The following CCNE2 variants were observed in gnomAD, a reference collection of about 807,000 sequenced individuals.
CCNE2 encodes cyclin E2.
A neutral mutation model predicts 56.8 loss-of-function variants in CCNE2; 18 were observed. The observed-to-expected ratio is 0.32, with a 90% confidence interval of 0.22 to 0.47. CCNE2 has a LOEUF of 0.47. Among genes scored for constraint, CCNE2 ranks in the 20% least tolerant of loss-of-function variants. CCNE2 has a pLI of 1.00. For missense variants in CCNE2, 371 were observed against 467.1 expected, an observed-to-expected ratio of 0.79 and a Z score of 1.90; for synonymous variants, 139 against 149.2, an observed-to-expected ratio of 0.93 and a Z score of 0.50.
intron 9 of CCNE2, chr8:94,883,582 G>A (rs1310400661): frequency 5.4e-6 from 1 of 186,226 alleles, no homozygotes; most frequent in Non-Finnish European, 1.2e-5. Context: ...CTAGAAAGAG[G>A]CATGGTCTAG....
chr8:94,886,594 C>G (rs1482645356), intron 7 of CCNE2, among the ~76,000 whole-genome samples: 1 of 151,554 alleles, frequency 6.6e-6, no homozygotes, highest in Non-Finnish European at 1.5e-5. Flanking sequence ...TCAGCTATTC[C>G]AGAGGCTGAG....
Position 94,882,283 on chromosome 8 carries a change from T to G in CCNE2, c.950A>C (p.Glu317Ala). ...TACACATTCTGAAATACTGTCCCAC[T>G]CCAAACCTAGATAGATAGAAAAAAG... is the stretch of plus-strand genomic sequence containing the variant. ...IEVVKKASGL[E>A]WDSISECVDW... The change falls in exon 11 of 12, where the codon GAG (glutamate) becomes GCG (alanine). Residue 317 changes from glutamate to alanine, a missense_variant. By Grantham distance (107) the Glu-to-Ala change is moderately radical. Coordinates refer to ENST00000308108, the MANE Select transcript of CCNE2 (RefSeq NM_057749.3). The G allele has an allele frequency of 6.2e-7, 1 of 1,603,020 alleles. No homozygotes were observed. The highest frequency in any genetic ancestry group is 8.5e-7 in the Non-Finnish European group (1 of 1,175,466).
intron 8 of CCNE2, 97 bp from the exon 9 acceptor site, chr8:94,885,298 C>T (rs1816994334): frequency 8.1e-7 from 1 of 1,230,522 alleles, no homozygotes; most frequent in East Asian, 2.3e-5. Flanking sequence ...CCCCATCCAA[C>T]CATAACCATT....
rs767576782 is a variant in CCNE2 at position 94,892,947 on chromosome 8, G to T, written c.188C>A (p.Ser63Tyr). 2 of 1,534,132 alleles carry T rather than the reference G, an allele frequency of 1.3e-6. No homozygotes were observed. Among genetic ancestry groups the T allele is most frequent in the Non-Finnish European group, 1.7e-6 (2 of 1,153,192 alleles). ...GATAATGCAAGGACTGATCCCCCCA[G>T]ATAATACAGGTGGCCAACAATTCTG... ...EIRNCWPPVL[S>Y]GGISPCIIIE... is the part of the protein sequence containing the mutation. The change falls in exon 5 of 12, where the codon TCT (serine) becomes TAT (tyrosine). Residue 63 changes from serine (S) to tyrosine (Y), a missense_variant. Physicochemically the swap from Ser to Tyr is moderately radical, Grantham distance 144 (BLOSUM62 -2). Transcript: ENST00000308108.
intron 6 of CCNE2, 143 bp from the exon 7 acceptor site, chr8:94,888,216 G>A (rs1039820650): frequency 1.9e-5 from 10 of 532,378 alleles, no homozygotes; most frequent in African/African-American, 1.2e-4. Flanking sequence ...AAGAAACTAA[G>A]ATGTACTATT....
At chr8:94,892,154 C>G (rs1339412688) in intron 5 of CCNE2, 47 of 524,878 alleles carry the variant, frequency 9.0e-5, no homozygotes, top group South Asian at 1.1e-4. Context: ...AAAATGTTTT[C>G]TCAAGAGCAA....
Position 94,880,899 on chromosome 8 carries a change from A to T in CCNE2, c.*733T>A, listed in dbSNP as rs75354615. 318 of 398,824 alleles carry T rather than the reference A, an allele frequency of 8.0e-4. 4 individuals are homozygous for T. In the East Asian group the frequency reaches 0.011, roughly 14 times the overall value. 24.7% of individuals were successfully genotyped at this position (398,824 alleles called of 1,614,324 possible). Reference sequence around the variant, plus strand: ...TTATTACCAAGCAACCTACATGTCAAGAAAGCCCCAGTTAGGAAGGAGCCA... The same window carrying T: ...TTATTACCAAGCAACCTACATGTCATGAAAGCCCCAGTTAGGAAGGAGCCA... On this transcript the variant is annotated 3_prime_UTR_variant, in exon 12 of 12. Transcript: ENST00000308108.
At chr8:94,890,386 C>CA in intron 6 of CCNE2, 29 bp downstream of exon 6, 1 of 1,532,644 alleles carries the variant, frequency 6.5e-7, no homozygotes, top group Non-Finnish European at 8.8e-7. Context: ...CATACAGAGA[C>CA]AAAGGAAATT....
At chr8:94,885,598 GA>G (rs140734465) in intron 7 of CCNE2, 40 bp from the exon 8 acceptor site, 40,330 of 1,223,910 alleles carry the variant, frequency 0.033, 795 homozygotes, top group Non-Finnish European at 0.039. Context: ...AATTGAGATA[GA>G]AATTAATTAC....
intron 5 of CCNE2, chr8:94,891,335 G>A (rs574634057): frequency 2.3e-4 from 54 of 233,006 alleles, no homozygotes; most frequent in African/African-American, 1.1e-3. Flanking sequence ...TCGTGAAACT[G>A]CCCAGGCTAT....
chr8:94,880,386 T>C lies in CCNE2; in HGVS notation c.*1246A>G. 2.0e-6 allele frequency: 1 copy of C among 500,270 alleles called. No homozygotes were observed. Among genetic ancestry groups the C allele is most frequent in the Non-Finnish European group, 3.6e-6 (1 of 280,392 alleles). 31.0% of individuals were successfully genotyped at this position (500,270 alleles called of 1,614,324 possible). ...AACAAATATTAGTTTAAAAACAAACTATACAGAAGACTTCATACCGTAACA... is the reference window on the plus strand; with the variant it reads ...AACAAATATTAGTTTAAAAACAAACCATACAGAAGACTTCATACCGTAACA... On this transcript the variant is annotated 3_prime_UTR_variant, in exon 12 of 12. Transcript: ENST00000308108.
chr8:94,890,836 G>T (rs28399563), intron 5 of CCNE2, among the ~76,000 whole-genome samples: 1 of 151,598 alleles, frequency 6.6e-6, no homozygotes, highest in African/African-American at 2.4e-5. Flanking sequence ...TCAAGTGATC[G>T]ACCTGCCTCA....
intron 9 of CCNE2, among the ~76,000 whole-genome samples, chr8:94,884,233 C>T (rs1226239525): frequency 6.6e-6 from 1 of 152,124 alleles, no homozygotes; most frequent in Non-Finnish European, 1.5e-5. Flanking sequence ...TAGATTTTCA[C>T]ATCCCACATA....
At chr8:94,896,503 GGTT>G, upstream of CCNE2, 1 of 152,284 alleles carries the variant, frequency 6.6e-6, no homozygotes, top group Non-Finnish European at 1.5e-5. Context: ...TCCGCAAACA[GGTT>G]TTGCGGCGGG....
At chr8:94,891,678 A>AC in intron 5 of CCNE2, 1 of 552,110 alleles carries the variant, frequency 1.8e-6, no homozygotes, top group Non-Finnish European at 3.1e-6. Context: ...AAAAAAAAAA[A>AC]AACACCATGA....
At chr8:94,893,526 C>G (rs778495202) in intron 4 of CCNE2, 11 of 208,636 alleles carry the variant, frequency 5.3e-5, no homozygotes, top group Non-Finnish European at 9.4e-5. Context: ...GCGTGCCAGG[C>G]TGTCAGTGAT....
chr8:94,894,280 T>C (rs1817369110), intron 1 of CCNE2, 33 bp from the exon 2 acceptor site: 3 of 1,605,242 alleles, frequency 1.9e-6, no homozygotes, highest in Admixed American at 1.7e-5. Context: ...CGCAGTCAAG[T>C]ACATTGTCAT....
At chr8:94,891,889 G>A in intron 5 of CCNE2, 1 of 1,400,994 alleles carries the variant, frequency 7.1e-7, no homozygotes, top group Non-Finnish European at 9.9e-7. Flanking sequence ...AGATTCTCTG[G>A]TCATTGAGCA....
rs1816982359 is a variant in CCNE2 at position 94,885,029 on chromosome 8, T to A, written c.831+38A>T. 1.9e-6 allele frequency: 3 copies of A among 1,583,630 alleles called. No individual in the cohort carries two copies. The African/African-American group carries it at 4.1e-5, about 21-fold the overall frequency. On this transcript the variant is annotated intron_variant, in intron 9 of 11. Coordinates refer to ENST00000308108, the MANE Select transcript of CCNE2 (RefSeq NM_057749.3). The stretch of plus-strand genomic sequence containing the variant: ...CTATATATACACTAAAACCTGTAAT[T>A]AATAACATTACCATTGAATCAATAA...
Sources: gnomAD v4.1 joint callset for allele counts (sites outside exome capture counted in the v4.1 genomes callset) on GRCh38, gnomAD v4.1.1 for gene constraint, MANE v1.5 for transcripts, NCBI Gene and HGNC (gene_info 2026-07-23, HGNC 2026-07-21) for gene names.